IL1RAPL2: variants seen among roughly 807,000 people sequenced by gnomAD.
IL1RAPL2 encodes X-linked interleukin-1 receptor accessory protein-like 2.
In IL1RAPL2, 3 loss-of-function variants were observed where a neutral mutation model predicts 44.1. The ratio of observed to expected loss-of-function variants is 0.07; its 90% CI spans 0.03 to 0.18. IL1RAPL2 has a LOEUF of 0.18. Ranked by LOEUF, IL1RAPL2 falls within the 10% of genes least tolerant of loss-of-function variation. IL1RAPL2 has a pLI of 1.00. For missense variants in IL1RAPL2, 391 were observed against 496.4 expected (o/e 0.79, Z 2.02); for synonymous variants, 181 against 178.8 (o/e 1.01, Z -0.10).
intron 2 of IL1RAPL2, among the ~76,000 whole-genome samples, chrX:105,080,184 A>T (rs1480247629): frequency 8.9e-6 from 1 of 112,017 alleles, no homozygotes; most frequent in African/African-American, 3.2e-5. Flanking sequence ...GTTCACTCTG[A>T]TGATAGTTTC....
chrX:105,617,935 T>A (rs1418835255), intron 6 of IL1RAPL2, among the ~76,000 whole-genome samples: 1 of 111,529 alleles, frequency 9.0e-6, no homozygotes, highest in Non-Finnish European at 1.9e-5. Flanking sequence ...TATCATTAAA[T>A]AATTTTCACA....
At chrX:105,084,322 C>T (rs2032452004) in intron 2 of IL1RAPL2, among the ~76,000 whole-genome samples, 1 of 112,883 alleles carries the variant, frequency 8.9e-6, no homozygotes, top group South Asian at 3.6e-4. Context: ...GCACTCAGCA[C>T]CAGCCTGTGA....
At chrX:105,430,281 G>A (rs1268347525) in intron 5 of IL1RAPL2, among the ~76,000 whole-genome samples, 1 of 111,452 alleles carries the variant, frequency 9.0e-6, no homozygotes, top group Admixed American at 9.6e-5. Flanking sequence ...AGTAGACATT[G>A]CCAATCACCG....
At chrX:105,447,144 A>AAT (rs1208285416) in intron 5 of IL1RAPL2, among the ~76,000 whole-genome samples, 3 of 49,538 alleles carry the variant, frequency 6.1e-5, no homozygotes, top group Admixed American at 3.7e-4. Context: ...TATGAATATA[A>AAT]ATATATATAA....
intron 6 of IL1RAPL2, among the ~76,000 whole-genome samples, chrX:105,621,345 A>C (rs2037417457): frequency 1.8e-5 from 2 of 111,610 alleles, no homozygotes; most frequent in African/African-American, 6.5e-5. Flanking sequence ...GATTTTCTCC[A>C]ACACTTAGCA....
intron 2 of IL1RAPL2, among the ~76,000 whole-genome samples, chrX:104,908,592 G>T (rs1924117931): frequency 9.0e-6 from 1 of 111,207 alleles, no homozygotes. Context: ...TGAAATTCTG[G>T]GTTGAAAATT....
intron 2 of IL1RAPL2, among the ~76,000 whole-genome samples, chrX:104,682,551 G>A (rs746930858): frequency 9.8e-5 from 11 of 112,273 alleles, no homozygotes; most frequent in African/African-American, 2.6e-4. Flanking sequence ...TCTCACATTC[G>A]TGTTTCAGCT....
intron 10 of IL1RAPL2, among the ~76,000 whole-genome samples, chrX:105,761,211 C>T (rs952293325): frequency 1.1e-5 from 1 of 94,340 alleles, no homozygotes; most frequent in African/African-American, 4.2e-5. Flanking sequence ...GAAAAAAAAA[C>T]TCTTCCTATA....
chrX:105,312,989 TG>T (rs1318859793), intron 5 of IL1RAPL2, among the ~76,000 whole-genome samples: 2 of 111,774 alleles, frequency 1.8e-5, no homozygotes, highest in Non-Finnish European at 3.8e-5. Context: ...TATAAAATAA[TG>T]GGAAAGTAGA....
At chrX:105,468,063 A>G (rs1036178424) in intron 5 of IL1RAPL2, among the ~76,000 whole-genome samples, 1 of 111,924 alleles carries the variant, frequency 8.9e-6, no homozygotes, top group Non-Finnish European at 1.9e-5. Context: ...AAGATGTAGA[A>G]TGGTTGAGAT....
chrX:104,844,491 A>G (rs1249729520), intron 2 of IL1RAPL2, among the ~76,000 whole-genome samples: 1 of 111,483 alleles, frequency 9.0e-6, no homozygotes. Context: ...TATAGTAGGC[A>G]GTATTTACAG....
chrX:105,558,247 G>T (rs900517768), intron 6 of IL1RAPL2, among the ~76,000 whole-genome samples: 1 of 111,170 alleles, frequency 9.0e-6, no homozygotes, highest in Admixed American at 9.6e-5. Context: ...AAATCTTTTC[G>T]TGTAAAATGG....
intron 4 of IL1RAPL2, among the ~76,000 whole-genome samples, chrX:105,257,779 C>T (rs2034327339): frequency 8.9e-6 from 1 of 111,879 alleles, no homozygotes; most frequent in African/African-American, 3.2e-5. Context: ...TTTCCATTTG[C>T]TTGGTAGATT....
At chrX:104,753,213 C>G (rs1932290130) in intron 2 of IL1RAPL2, among the ~76,000 whole-genome samples, 1 of 108,349 alleles carries the variant, frequency 9.2e-6, no homozygotes, top group Non-Finnish European at 1.9e-5. Context: ...TCAACAAGTA[C>G]TTAATGACTT....
chrX:105,416,306 A>G (rs911819027), intron 5 of IL1RAPL2, among the ~76,000 whole-genome samples: 1 of 111,806 alleles, frequency 8.9e-6, no homozygotes. Flanking sequence ...CCATCCACTC[A>G]TACACACATA....
At chrX:104,927,628 A>C (rs1924803704) in intron 2 of IL1RAPL2, among the ~76,000 whole-genome samples, 1 of 111,856 alleles carries the variant, frequency 8.9e-6, no homozygotes, top group South Asian at 3.7e-4. Flanking sequence ...CGAAATCTAA[A>C]GTACACTTTG....
At chrX:104,764,810 G>T (rs1932529613) in intron 2 of IL1RAPL2, among the ~76,000 whole-genome samples, 1 of 112,114 alleles carries the variant, frequency 8.9e-6, no homozygotes, top group Non-Finnish European at 1.9e-5. Context: ...CAATTGAAAT[G>T]ATCACTAGGT....
rs368809296 is a variant in IL1RAPL2, at chrX:104,875,925, AT to A, written c.82+216941del. Among the ~76,000 whole-genome samples, 508 of 103,882 alleles carry A rather than the reference AT, an allele frequency of 4.9e-3. 1 individual carries two copies. Among genetic ancestry groups the A allele is most frequent in the South Asian group, 8.9e-3 (22 of 2,472 alleles). 90.2% of individuals were successfully genotyped at this position (103,882 alleles called of 115,157 possible). On this transcript the variant is annotated intron_variant, in intron 2 of 10. Transcript: ENST00000372582. ...CAGGGATTATATCTGTCTTGTTACT[AT>A]TTTTTTTTTTCTCTAGAGAGGCCTG...
At chrX:105,762,926 TA>T (rs1161099366) in intron 10 of IL1RAPL2, among the ~76,000 whole-genome samples, 1 of 111,081 alleles carries the variant, frequency 9.0e-6, no homozygotes, top group Non-Finnish European at 1.9e-5. Flanking sequence ...AACAAGCTTT[TA>T]AAAACGTTTT....
Sources: gnomAD v4.1 joint callset for allele counts (sites outside exome capture counted in the v4.1 genomes callset) on GRCh38, gnomAD v4.1.1 for gene constraint, MANE v1.5 for transcripts, NCBI Gene and HGNC (gene_info 2026-07-23, HGNC 2026-07-21) for gene names.